ZMAT4: variants seen among roughly 807,000 people sequenced by gnomAD.
ZMAT4 encodes zinc finger matrin-type 4.
In ZMAT4, 17 loss-of-function variants were observed where a neutral mutation model predicts 28.7. The observed-to-expected ratio is 0.59, with a 90% confidence interval of 0.41 to 0.89. ZMAT4 has a LOEUF of 0.89. Among genes scored for constraint, ZMAT4 ranks in the 40% least tolerant of loss-of-function variants. ZMAT4 has a pLI of 0.00. For missense variants in ZMAT4, 240 were observed against 283.8 expected (o/e 0.85, Z 1.11); for synonymous variants, 117 against 109.2 (o/e 1.07, Z -0.44).
In ZMAT4 at chr8:40,581,192, T is replaced by G; in HGVS notation, c.647A>C (p.His216Pro). 6.2e-7 allele frequency: 1 copy of G among 1,613,288 alleles called. No homozygotes were observed. The highest frequency in any genetic ancestry group is 8.5e-7 in the Non-Finnish European group (1 of 1,179,424). ...GGTCTGGTGTTTAGATCCTTTCAGATGGGCATGATACTGTTCTATTGAGTT... is the reference window on the plus strand; with the variant it reads ...GGTCTGGTGTTTAGATCCTTTCAGAGGGGCATGATACTGTTCTATTGAGTT... ...SLNSIEQYHA[H>P]LKGSKHQTNL... Residue 216 changes from histidine (H) to proline (P), a missense_variant, in exon 6 of 7, where the codon CAT becomes CCT. By Grantham distance (77) the His-to-Pro change is moderately conservative. Coordinates refer to ENST00000297737, the MANE Select transcript of ZMAT4 (RefSeq NM_024645.3).
chr8:40,821,507 G>T (rs1043513179), intron 2 of ZMAT4, among the ~76,000 whole-genome samples: 2 of 152,206 alleles, frequency 1.3e-5, no homozygotes, highest in East Asian at 3.9e-4. Context: ...TGCAAAAATA[G>T]ATTTTTAAAG....
At chr8:40,607,405 C>G (rs941602339) in intron 5 of ZMAT4, among the ~76,000 whole-genome samples, 3 of 152,092 alleles carry the variant, frequency 2.0e-5, no homozygotes, top group Admixed American at 2.0e-4. Flanking sequence ...ACTGGGATTA[C>G]AGGCATGAGC....
chr8:40,811,823 T>G (rs917025075), intron 2 of ZMAT4, among the ~76,000 whole-genome samples: 4 of 152,138 alleles, frequency 2.6e-5, no homozygotes, highest in Non-Finnish European at 4.4e-5. Flanking sequence ...CAATGTCATA[T>G]AATAACATGT....
At chr8:40,607,693 T>C (rs951538318) in intron 5 of ZMAT4, among the ~76,000 whole-genome samples, 1 of 152,154 alleles carries the variant, frequency 6.6e-6, no homozygotes, top group Non-Finnish European at 1.5e-5. Context: ...CAAGGGGTGC[T>C]ATTCAGATTC....
chr8:40,587,063 G>A (rs1585719903), intron 5 of ZMAT4, among the ~76,000 whole-genome samples: 3 of 151,378 alleles, frequency 2.0e-5, no homozygotes, highest in African/African-American at 7.3e-5. Context: ...AAGCATAGAG[G>A]CCCAGAGTGG....
chr8:40,714,504 T>C (rs947680969), intron 3 of ZMAT4, among the ~76,000 whole-genome samples: 7 of 152,294 alleles, frequency 4.6e-5, no homozygotes, highest in Middle Eastern at 3.4e-3. Context: ...ATATGGAATA[T>C]AATTTATGAT....
chr8:40,618,997 G>T (rs568366546), intron 5 of ZMAT4, among the ~76,000 whole-genome samples: 1 of 152,354 alleles, frequency 6.6e-6, no homozygotes, highest in South Asian at 2.1e-4. Flanking sequence ...GGAACTCTGG[G>T]AGCGAGTGTA....
At chr8:40,599,961 C>T (rs1208960303) in intron 5 of ZMAT4, among the ~76,000 whole-genome samples, 2 of 152,218 alleles carry the variant, frequency 1.3e-5, no homozygotes, top group African/African-American at 4.8e-5. Flanking sequence ...TGGGACTCCC[C>T]TTGGTCCTGA....
intron 5 of ZMAT4, among the ~76,000 whole-genome samples, chr8:40,667,215 G>C (rs1382589337): frequency 1.3e-5 from 2 of 151,730 alleles, no homozygotes; most frequent in African/African-American, 4.8e-5. Flanking sequence ...GAGTGCAGTG[G>C]TGCAATCTCT....
intron 3 of ZMAT4, among the ~76,000 whole-genome samples, chr8:40,737,807 T>C (rs1161436070): frequency 2.0e-5 from 3 of 150,956 alleles, no homozygotes; most frequent in African/African-American, 7.4e-5. Context: ...TCTTATCCTT[T>C]GCTTATTTTT....
intron 2 of ZMAT4, among the ~76,000 whole-genome samples, chr8:40,806,022 T>C (rs1458724624): frequency 6.6e-6 from 1 of 152,202 alleles, no homozygotes; most frequent in Middle Eastern, 3.2e-3. Context: ...AATCTCATCT[T>C]ATTCTAGAAA....
At chr8:40,590,866 T>G (rs1431991961) in intron 5 of ZMAT4, among the ~76,000 whole-genome samples, 1 of 152,170 alleles carries the variant, frequency 6.6e-6, no homozygotes, top group African/African-American at 2.4e-5. Context: ...TATTAACGTT[T>G]GTCCCCATTA....
At chr8:40,614,023 G>A (rs1240417821) in intron 5 of ZMAT4, among the ~76,000 whole-genome samples, 1 of 152,184 alleles carries the variant, frequency 6.6e-6, no homozygotes, top group Non-Finnish European at 1.5e-5. Flanking sequence ...CCCACATACT[G>A]AGTGACAACC....
chr8:40,612,804 G>T (rs1217591825), intron 5 of ZMAT4, among the ~76,000 whole-genome samples: 6 of 88,050 alleles, frequency 6.8e-5, no homozygotes, highest in African/African-American at 1.4e-4. Context: ...TCTGTATTTT[G>T]GTTTTTGTTT....
intron 1 of ZMAT4, among the ~76,000 whole-genome samples, chr8:40,845,566 A>G (rs1816855828): frequency 6.6e-6 from 1 of 152,072 alleles, no homozygotes; most frequent in African/African-American, 2.4e-5. Flanking sequence ...TCTGAAAAAA[A>G]AAATAACAGT....
intron 3 of ZMAT4, among the ~76,000 whole-genome samples, chr8:40,719,930 C>A (rs1811009640): frequency 6.6e-6 from 1 of 152,172 alleles, no homozygotes; most frequent in Non-Finnish European, 1.5e-5. Context: ...AGACCCCACA[C>A]TCCTCAGCAG....
chr8:40,610,168 G>A (rs1024955842), intron 5 of ZMAT4, among the ~76,000 whole-genome samples: 20 of 152,238 alleles, frequency 1.3e-4, no homozygotes, highest in African/African-American at 4.6e-4. Flanking sequence ...GGTCCCCACT[G>A]ATTACCAAAT....
At chr8:40,782,157 G>A (rs2150572696) in intron 2 of ZMAT4, among the ~76,000 whole-genome samples, 1 of 152,296 alleles carries the variant, frequency 6.6e-6, no homozygotes, top group South Asian at 2.1e-4. Flanking sequence ...GGAGGCTGAG[G>A]TGGGTGGATC....
chr8:40,735,889 A>AGT lies in ZMAT4; in HGVS notation c.192+31750_192+31751dup, dbSNP rs527589202. On this transcript the variant is annotated intron_variant, in intron 3 of 6. Coordinates refer to ENST00000297737, the MANE Select transcript of ZMAT4 (RefSeq NM_024645.3). Reference sequence around the variant, plus strand: ...TCCAGAGAAAGAAAGAGGCACGGGGAGTGGGAGTGACTTGTCCCAGGGCAC... The same window carrying AGT: ...TCCAGAGAAAGAAAGAGGCACGGGGAGTGTGGGAGTGACTTGTCCCAGGGCAC... Among the ~76,000 whole-genome samples, 713 of 152,266 alleles carry AGT rather than the reference A, an allele frequency of 4.7e-3. 2 individuals carry two copies. Among genetic ancestry groups the AGT allele is most frequent in the African/African-American group, 0.016 (679 of 41,546 alleles).
Sources: allele counts gnomAD v4.1 joint callset (sites outside exome capture counted in the v4.1 genomes callset), GRCh38; gene constraint gnomAD v4.1.1; transcripts MANE v1.5; gene names NCBI Gene and HGNC (gene_info 2026-07-23, HGNC 2026-07-21).